Variants in NUDCD1 observed in about 807,000 individuals in gnomAD.
NUDCD1 encodes nudC domain-containing protein 1.
NUDCD1 carries 60 observed loss-of-function variants against 67.8 expected under a neutral mutation model. The ratio of observed to expected loss-of-function variants is 0.88; its 90% CI spans 0.72 to 1.10. The LOEUF (loss-of-function observed/expected upper bound fraction) is 1.10, where lower values mean the gene tolerates loss of function less well. NUDCD1 is among the 50% of genes least tolerant of loss of function. NUDCD1 has a pLI of 0.00. For synonymous variants in NUDCD1, 244 were observed against 230.8 expected (o/e 1.06, Z -0.52); for missense variants, 643 against 695.0 (o/e 0.93, Z 0.84).
chr8:109,325,923 T>C (rs1246235435), intron 1 of NUDCD1, among the ~76,000 whole-genome samples: 1 of 152,192 alleles, frequency 6.6e-6, no homozygotes, highest in Non-Finnish European at 1.5e-5. Context: ...ATCTCACAGG[T>C]AAAAATCCAA....
At position 109,329,902 on chromosome 8, in the gene NUDCD1, T is replaced by C. The variant is rs1815767595; in HGVS notation, c.118+3991A>G. The stretch of plus-strand genomic sequence containing the variant: ...ATCTTAGCAAAGAAAACATACTGGA[T>C]GCTACGAAGTATGATAAAGTCTATG... On this transcript the variant is annotated intron_variant, in intron 1 of 9. Transcript: ENST00000239690. 9 of 1,540,542 alleles carry C rather than the reference T, an allele frequency of 5.8e-6. No individual in the cohort carries two copies. The South Asian group carries it at 9.7e-5, about 17-fold the overall frequency.
chr8:109,319,695 A>G (rs1283900389), intron 2 of NUDCD1, among the ~76,000 whole-genome samples: 1 of 152,194 alleles, frequency 6.6e-6, no homozygotes, highest in Non-Finnish European at 1.5e-5. Context: ...TATGGCTAGA[A>G]TGTAGTATAC....
chr8:109,307,499 G>T (rs1815137347), intron 2 of NUDCD1, among the ~76,000 whole-genome samples: 1 of 152,110 alleles, frequency 6.6e-6, no homozygotes, highest in South Asian at 2.1e-4. Flanking sequence ...TCTACATCTT[G>T]AAACAAATTC....
chr8:109,247,171 A>C (rs891090636), intron 8 of NUDCD1, among the ~76,000 whole-genome samples: 1 of 152,198 alleles, frequency 6.6e-6, no homozygotes, highest in African/African-American at 2.4e-5. Context: ...TATGTTTGAC[A>C]GACCTAACAC....
At chr8:109,310,402 T>A (rs1815214659) in intron 2 of NUDCD1, among the ~76,000 whole-genome samples, 1 of 152,254 alleles carries the variant, frequency 6.6e-6, no homozygotes, top group Non-Finnish European at 1.5e-5. Flanking sequence ...GGTGCTGGGA[T>A]AATTGGCCAG....
At chr8:109,249,852 T>C (rs1234603434) in intron 8 of NUDCD1, among the ~76,000 whole-genome samples, 3 of 150,692 alleles carry the variant, frequency 2.0e-5, no homozygotes, top group African/African-American at 4.9e-5. Context: ...GAATTCTTTT[T>C]TTTTTTTTTT....
At position 109,241,032 on chromosome 8, in the gene NUDCD1, G is replaced by A. The variant is rs1379943135; in HGVS notation, c.*1977C>T. On this transcript the variant is annotated 3_prime_UTR_variant, in exon 10 of 10. Coordinates refer to ENST00000239690, the MANE Select transcript of NUDCD1 (RefSeq NM_032869.4). ...AGGTACTATATTCTTAGCACTTGTA[G>A]TATATATCTCAATGTTCTAAGTATA... 6.6e-6 allele frequency: 1 copy of A among 152,014 alleles called. No homozygotes were observed. The highest frequency in any genetic ancestry group is 2.4e-5 in the African/African-American group (1 of 41,396). The allele number at this position is 152,014 out of a possible 1,614,324, so 9.4% of individuals were successfully genotyped here. A position where few individuals can be genotyped will look rare whatever the true frequency, so the allele number is the denominator to read the frequency against.
intron 8 of NUDCD1, among the ~76,000 whole-genome samples, chr8:109,270,082 GTGCCTTAAGGT>G (rs1405836411): frequency 5.0e-3 from 192 of 38,286 alleles, no homozygotes; most frequent in African/African-American, 5.6e-3. Flanking sequence ...GGGGGGGGGG[GTGCCTTAAGGT>G]GGGGTGTGAA....
intron 7 of NUDCD1, among the ~76,000 whole-genome samples, chr8:109,274,835 C>A (rs927851168): frequency 2.0e-5 from 3 of 152,092 alleles, no homozygotes; most frequent in African/African-American, 7.2e-5. Context: ...TTAACATGAT[C>A]TTACACGTCA....
chr8:109,272,193 A>G (rs1168062410), intron 7 of NUDCD1, among the ~76,000 whole-genome samples: 1 of 152,108 alleles, frequency 6.6e-6, no homozygotes, highest in Non-Finnish European at 1.5e-5. Context: ...ATTACTGACT[A>G]TAGCTAAAAT....
At chr8:109,267,997 C>T (rs1453923050) in intron 8 of NUDCD1, among the ~76,000 whole-genome samples, 1 of 152,192 alleles carries the variant, frequency 6.6e-6, no homozygotes, top group East Asian at 1.9e-4. Flanking sequence ...GTTTCTACTA[C>T]TGACTCTCGC....
At chr8:109,300,315 G>A (rs561831128) in intron 2 of NUDCD1, among the ~76,000 whole-genome samples, 4 of 147,814 alleles carry the variant, frequency 2.7e-5, no homozygotes, top group Non-Finnish European at 5.9e-5. Flanking sequence ...GGAGGCATCA[G>A]AGAAAGGCAA....
At chr8:109,275,288 C>CT in intron 7 of NUDCD1, 64 bp downstream of exon 7, 2 of 1,462,972 alleles carry the variant, frequency 1.4e-6, no homozygotes, top group Non-Finnish European at 1.9e-6. Context: ...AAAAGCATGG[C>CT]ATAATCTTCA....
intron 8 of NUDCD1, among the ~76,000 whole-genome samples, chr8:109,263,666 C>T (rs547542905): frequency 3.3e-5 from 5 of 152,222 alleles, no homozygotes; most frequent in Non-Finnish European, 5.9e-5. Flanking sequence ...CATATACACA[C>T]AATCTCTGCT....
intron 8 of NUDCD1, among the ~76,000 whole-genome samples, chr8:109,247,100 G>GATCA (rs1813515944): frequency 6.6e-6 from 1 of 152,158 alleles, no homozygotes; most frequent in Non-Finnish European, 1.5e-5. Flanking sequence ...TACTCCCGAT[G>GATCA]ATCAGTGGCT....
chr8:109,245,516 A>G, intron 8 of NUDCD1, 35 bp from the exon 9 acceptor site: 1 of 1,522,548 alleles, frequency 6.6e-7, no homozygotes, highest in African/African-American at 1.4e-5. Context: ...TTACTCAACA[A>G]CAAATTAATA....
intron 5 of NUDCD1, among the ~76,000 whole-genome samples, chr8:109,283,460 A>G (rs902137217): frequency 7.9e-5 from 12 of 152,194 alleles, no homozygotes; most frequent in African/African-American, 2.7e-4. Context: ...AATACTATAC[A>G]AAATGAAGAT....
intron 8 of NUDCD1, among the ~76,000 whole-genome samples, chr8:109,253,145 G>A (rs574932184): frequency 8.5e-5 from 13 of 152,218 alleles, no homozygotes; most frequent in South Asian, 6.2e-4. Context: ...GTGTTTTCTC[G>A]AACAGATGCT....
intron 4 of NUDCD1, among the ~76,000 whole-genome samples, chr8:109,292,308 G>T (rs962554607): frequency 2.6e-5 from 4 of 151,984 alleles, no homozygotes; most frequent in Non-Finnish European, 5.9e-5. Context: ...AAGTTACTGT[G>T]TTCCTCCAGA....
Sources: gnomAD v4.1 joint callset for allele counts (sites outside exome capture counted in the v4.1 genomes callset) on GRCh38, gnomAD v4.1.1 for gene constraint, MANE v1.5 for transcripts, NCBI Gene and HGNC (gene_info 2026-07-23, HGNC 2026-07-21) for gene names.